The following HECTD2 variants were observed in gnomAD, a reference collection of about 807,000 sequenced individuals.
HECTD2 encodes HECT domain E3 ubiquitin protein ligase 2, also known as probable E3 ubiquitin-protein ligase HECTD2.
Under a neutral mutation model 103.2 loss-of-function variants are expected in HECTD2, and 35 were observed. That is an observed-to-expected ratio of 0.34 (90% CI 0.26 to 0.45). The LOEUF (loss-of-function observed/expected upper bound fraction) is 0.45, where lower values mean the gene tolerates loss of function less well. Ranked by LOEUF, HECTD2 falls within the 20% of genes least tolerant of loss-of-function variation. HECTD2 has a pLI of 1.00. For missense variants in HECTD2, 596 were observed against 937.4 expected (o/e 0.64, Z 4.76); for synonymous variants, 281 against 329.9 (o/e 0.85, Z 1.61).
In HECTD2 at chr10:91,471,567, A is replaced by G. The variant is rs147979310; in HGVS notation, c.601-6634A>G. Reference sequence around the variant, plus strand: ...ATTATTCTATACCTAGAAAACCCCAAACCCTCTGCCCAAAAGCTCCTAGAC... The same window carrying G: ...ATTATTCTATACCTAGAAAACCCCAGACCCTCTGCCCAAAAGCTCCTAGAC... On this transcript the variant is annotated intron_variant, in intron 5 of 20. Coordinates refer to ENST00000298068, the MANE Select transcript of HECTD2 (RefSeq NM_182765.6). Among the ~76,000 whole-genome samples, 1,264 of 152,276 alleles carry G rather than the reference A, an allele frequency of 8.3e-3. 7 individuals carry two copies. The highest frequency in any genetic ancestry group is 0.012 in the Non-Finnish European group (785 of 68,016).
chr10:91,491,145 A>C (rs1846463282), intron 11 of HECTD2, 55 bp from the exon 12 acceptor site: 4 of 817,194 alleles, frequency 4.9e-6, no homozygotes, highest in Non-Finnish European at 8.3e-6. Flanking sequence ...TAAATGTTTT[A>C]AATGAAATTA....
At chr10:91,504,637 A>T (rs1362854027) in intron 20 of HECTD2, among the ~76,000 whole-genome samples, 3 of 152,028 alleles carry the variant, frequency 2.0e-5, no homozygotes, top group Non-Finnish European at 4.4e-5. Context: ...TGAAAAGACC[A>T]AATCTACGTC....
chr10:91,450,679 GAA>G (rs139563239), intron 2 of HECTD2, among the ~76,000 whole-genome samples: 3 of 141,352 alleles, frequency 2.1e-5, no homozygotes, highest in East Asian at 4.1e-4. Flanking sequence ...AGATTTACAA[GAA>G]AAAAAAAAAC....
intron 20 of HECTD2, among the ~76,000 whole-genome samples, chr10:91,504,558 G>A (rs1218341878): frequency 3.9e-5 from 6 of 152,108 alleles, no homozygotes; most frequent in East Asian, 1.9e-4. Flanking sequence ...GAAATGAAGC[G>A]AGAAGGAAAG....
intron 1 of HECTD2, among the ~76,000 whole-genome samples, chr10:91,416,095 A>G (rs1160813381): frequency 6.6e-6 from 1 of 152,134 alleles, no homozygotes; most frequent in Non-Finnish European, 1.5e-5. Flanking sequence ...CCCTTCATGA[A>G]TAACCCATTA....
chr10:91,463,265 G>A (rs1036639361), intron 5 of HECTD2: 1 of 151,904 alleles, frequency 6.6e-6, no homozygotes, highest in African/African-American at 2.4e-5. Context: ...TAAGGAAAAG[G>A]CAATGTTATT....
chr10:91,427,228 AT>A (rs1843607112), intron 2 of HECTD2, among the ~76,000 whole-genome samples: 1 of 151,638 alleles, frequency 6.6e-6, no homozygotes, highest in African/African-American at 2.4e-5. Context: ...TATATGCCAC[AT>A]TTTCTTAATC....
At chr10:91,482,628 TACTC>T (rs1219805489) in intron 7 of HECTD2, among the ~76,000 whole-genome samples, 2 of 152,002 alleles carry the variant, frequency 1.3e-5, no homozygotes, top group Admixed American at 6.6e-5. Context: ...TCTTTTTCGA[TACTC>T]AAAACAACCC....
At chr10:91,490,249 C>A (rs1308804093) in intron 11 of HECTD2, among the ~76,000 whole-genome samples, 1 of 152,090 alleles carries the variant, frequency 6.6e-6, no homozygotes, top group Non-Finnish European at 1.5e-5. Flanking sequence ...CTTCCTTGTA[C>A]TATTTACATA....
intron 20 of HECTD2, among the ~76,000 whole-genome samples, chr10:91,503,050 A>G (rs1846968680): frequency 6.6e-6 from 1 of 152,228 alleles, no homozygotes; most frequent in Non-Finnish European, 1.5e-5. Flanking sequence ...ATATTCATTC[A>G]CTAGATTTTT....
chr10:91,455,390 A>G (rs1845039939), intron 2 of HECTD2, among the ~76,000 whole-genome samples: 1 of 152,084 alleles, frequency 6.6e-6, no homozygotes. Context: ...GTGTCTGTTC[A>G]TATCCTTCAC....
intron 2 of HECTD2, among the ~76,000 whole-genome samples, chr10:91,445,785 A>AGGG (rs1844581080): frequency 6.6e-6 from 1 of 152,144 alleles, no homozygotes. Context: ...ACAAGGGATC[A>AGGG]GAGAAATCCC....
intron 2 of HECTD2, among the ~76,000 whole-genome samples, chr10:91,445,263 A>G (rs1286960427): frequency 6.6e-6 from 1 of 152,164 alleles, no homozygotes; most frequent in Non-Finnish European, 1.5e-5. Flanking sequence ...TGGCAACAGC[A>G]GTATTGGAGG....
chr10:91,498,540 C>T (rs1198006566), intron 16 of HECTD2, among the ~76,000 whole-genome samples: 3 of 152,176 alleles, frequency 2.0e-5, no homozygotes, highest in Non-Finnish European at 4.4e-5. Context: ...GATTTCCACT[C>T]CTTTTACAGT....
chr10:91,481,530 C>T (rs917047135), intron 7 of HECTD2, among the ~76,000 whole-genome samples: 10 of 151,074 alleles, frequency 6.6e-5, no homozygotes, highest in Admixed American at 6.0e-4. Context: ...ATTTTCCCAT[C>T]TAGTAGGTTT....
intron 7 of HECTD2, among the ~76,000 whole-genome samples, chr10:91,481,954 T>G (rs1846102758): frequency 6.7e-6 from 1 of 150,318 alleles, no homozygotes; most frequent in Non-Finnish European, 1.5e-5. Flanking sequence ...GAGGAAAAAG[T>G]GGAAAAGGGG....
chr10:91,416,573 A>G (rs894891106), intron 1 of HECTD2, among the ~76,000 whole-genome samples: 1 of 137,496 alleles, frequency 7.3e-6, no homozygotes, highest in African/African-American at 3.7e-5. Flanking sequence ...CTAGATTTGT[A>G]TAAGTACACT....
chr10:91,479,371 CA>C (rs929339569), intron 6 of HECTD2, among the ~76,000 whole-genome samples: 8 of 151,184 alleles, frequency 5.3e-5, no homozygotes, highest in African/African-American at 1.9e-4. Flanking sequence ...GAGACTGTCT[CA>C]AAAAAAAGAA....
intron 2 of HECTD2, among the ~76,000 whole-genome samples, chr10:91,438,755 T>C (rs1844252348): frequency 6.6e-6 from 1 of 152,206 alleles, no homozygotes; most frequent in African/African-American, 2.4e-5. Flanking sequence ...TCCTGACTTT[T>C]TACTGATCGC....
Sources: gnomAD v4.1 joint callset for allele counts (sites outside exome capture counted in the v4.1 genomes callset) on GRCh38, gnomAD v4.1.1 for gene constraint, MANE v1.5 for transcripts, NCBI Gene and HGNC (gene_info 2026-07-23, HGNC 2026-07-21) for gene names.